The following VLDLR variants were observed in gnomAD, a reference collection of about 807,000 sequenced individuals.
The protein encoded by VLDLR is very low density lipoprotein receptor, also known as very low-density lipoprotein receptor.
Under a neutral mutation model 112.7 loss-of-function variants are expected in VLDLR, and 81 were observed. The ratio of observed to expected loss-of-function variants is 0.72; its 90% CI spans 0.60 to 0.86. The LOEUF (loss-of-function observed/expected upper bound fraction) is 0.86, where lower values mean the gene tolerates loss of function less well. Among genes scored for constraint, VLDLR ranks in the 40% least tolerant of loss-of-function variants. The probability of loss-of-function intolerance (pLI) is 0.00; values close to 1 mark genes in which losing one functional copy is unlikely to be tolerated. For synonymous variants in VLDLR, 436 were observed against 384.8 expected (o/e 1.13, Z -1.56); for missense variants, 1,237 against 1,099.4 (o/e 1.13, Z -1.77).
Position 2,659,782 on chromosome 9 carries a change from A to G in VLDLR, c.*5914A>G, listed in dbSNP as rs1279684074. ...GAACTACCAGACTTGGGTATTTCTC[A>G]GTTAACACACATGCAAGGAGGAAGA... On this transcript the variant is annotated 3_prime_UTR_variant, in exon 19 of 19. Coordinates refer to ENST00000382100, the MANE Select transcript of VLDLR (RefSeq NM_003383.5). The G allele has an allele frequency of 1.3e-5, 2 of 152,270 alleles. No homozygotes were observed. Among genetic ancestry groups the G allele is most frequent in the African/African-American group, 4.8e-5 (2 of 41,480 alleles). 9.4% of individuals were successfully genotyped at this position (152,270 alleles called of 1,614,324 possible).
At chr9:2,636,362 G>A (rs1817599901) in intron 2 of VLDLR, among the ~76,000 whole-genome samples, 1 of 152,190 alleles carries the variant, frequency 6.6e-6, no homozygotes, top group African/African-American at 2.4e-5. Flanking sequence ...TCTTTTAAAA[G>A]ATGTTATATA....
chr9:2,642,425 A>G (rs547341341), intron 4 of VLDLR, among the ~76,000 whole-genome samples: 2 of 152,278 alleles, frequency 1.3e-5, no homozygotes, highest in Admixed American at 1.3e-4. Context: ...CTGTATTGGT[A>G]AGCCCTGGTG....
At chr9:2,631,814 C>A (rs1379284855) in intron 1 of VLDLR, among the ~76,000 whole-genome samples, 9 of 152,104 alleles carry the variant, frequency 5.9e-5, no homozygotes, top group Admixed American at 5.9e-4. Context: ...AGATTCATTA[C>A]ATACATGTAA....
chr9:2,654,558 G>A lies in VLDLR; in HGVS notation c.*690G>A, dbSNP rs2130814834. On this transcript the variant is annotated 3_prime_UTR_variant, in exon 19 of 19. Transcript: ENST00000382100. ...AGTGTTCTAACTAAATGTGTGAGCTGTAGTTCTTGATGTTGTATAACTAAG... is the reference window on the plus strand; with the variant it reads ...AGTGTTCTAACTAAATGTGTGAGCTATAGTTCTTGATGTTGTATAACTAAG... 1 of 153,434 alleles carries A rather than the reference G, an allele frequency of 6.5e-6. No homozygotes were observed. The highest frequency in any genetic ancestry group is 2.1e-4 in the South Asian group (1 of 4,858). 9.5% of individuals were successfully genotyped at this position (153,434 alleles called of 1,614,324 possible).
intron 16 of VLDLR, 66 bp downstream of exon 16, chr9:2,651,564 T>C: frequency 7.2e-7 from 1 of 1,388,116 alleles, no homozygotes; most frequent in South Asian, 1.2e-5. Flanking sequence ...ATCTACAGCT[T>C]AAATAATTAA....
rs1369761493 is a variant in VLDLR at position 2,657,601 on chromosome 9, G to C, written c.*3733G>C. 1 of 152,208 alleles carries C rather than the reference G, an allele frequency of 6.6e-6. No homozygotes were observed. The highest frequency in any genetic ancestry group is 1.5e-5 in the Non-Finnish European group (1 of 68,036). The allele number at this position is 152,208 out of a possible 1,614,324, so 9.4% of individuals were successfully genotyped here. A position where few individuals can be genotyped will look rare whatever the true frequency, so the allele number is the denominator to read the frequency against. On this transcript the variant is annotated 3_prime_UTR_variant, in exon 19 of 19. Coordinates refer to ENST00000382100, the MANE Select transcript of VLDLR (RefSeq NM_003383.5). ...GGGTATTACATATTCTGCAAGCCCT[G>C]TTAGTGGGGAGATGGTAGTGGCAAT...
chr9:2,623,267 G>A (rs917181058), intron 1 of VLDLR, among the ~76,000 whole-genome samples: 1 of 152,210 alleles, frequency 6.6e-6, no homozygotes, highest in Non-Finnish European at 1.5e-5. Context: ...TTCCCACTTG[G>A]GGCCTCGTAA....
At chr9:2,625,223 C>T (rs1271833512) in intron 1 of VLDLR, among the ~76,000 whole-genome samples, 1 of 152,182 alleles carries the variant, frequency 6.6e-6, no homozygotes, top group African/African-American at 2.4e-5. Flanking sequence ...CCCTTCTGCT[C>T]CAGGAGAGGT....
chr9:2,649,143 C>T (rs1405162437), intron 14 of VLDLR, among the ~76,000 whole-genome samples: 2 of 152,260 alleles, frequency 1.3e-5, no homozygotes, highest in Admixed American at 6.5e-5. Flanking sequence ...GCTTTCTCTA[C>T]TGTTAGTTTG....
chr9:2,649,709 C>T (rs1818234883), intron 14 of VLDLR, among the ~76,000 whole-genome samples: 1 of 152,136 alleles, frequency 6.6e-6, no homozygotes, highest in Non-Finnish European at 1.5e-5. Flanking sequence ...TTAGAGCCCA[C>T]CTTAATGACC....
Position 2,621,789 on chromosome 9 carries a change from C to T in VLDLR, c.-401C>T, listed in dbSNP as rs944893527. ...CTCCGGCCCCCTCCCCGCTGCTCAC[C>T]CCGCTCTCCGGCCGCCGCCGGTGCG... On this transcript the variant is annotated 5_prime_UTR_variant, in exon 1 of 19. Transcript: ENST00000382100. 1.4e-5 allele frequency: 7 copies of T among 482,782 alleles called. No individual in the cohort carries two copies. Among genetic ancestry groups the T allele is most frequent in the African/African-American group, 8.2e-5 (4 of 48,834 alleles). 29.9% of individuals were successfully genotyped at this position (482,782 alleles called of 1,614,324 possible).
In VLDLR at chr9:2,657,181, CTT is replaced by C. The variant is rs1818641431; in HGVS notation, c.*3314_*3315del. ...CCAAACCTAAAGATTCTAGGGGTCA[CTT>C]ATCTCTATTACGTAATCTAACTGGA... is the stretch of plus-strand genomic sequence containing the variant. On this transcript the variant is annotated 3_prime_UTR_variant, in exon 19 of 19. Coordinates refer to ENST00000382100, the MANE Select transcript of VLDLR (RefSeq NM_003383.5). 1 of 152,102 alleles carries C rather than the reference CTT, an allele frequency of 6.6e-6. No individual in the cohort carries two copies. The highest frequency in any genetic ancestry group is 1.5e-5 in the Non-Finnish European group (1 of 68,016). The allele number at this position is 152,102 out of a possible 1,614,324, so 9.4% of individuals were successfully genotyped here.
At position 2,622,634 on chromosome 9, in the gene VLDLR, G is replaced by A. The variant is rs1164769975; in HGVS notation, c.82+363G>A. Among the ~76,000 whole-genome samples, 12 of 152,260 alleles carry A rather than the reference G, an allele frequency of 7.9e-5. No individual in the cohort carries two copies. In the South Asian group the frequency reaches 2.5e-3, roughly 31 times the overall value. ...GGTTCTGCCTCCTCTGCCAGGCGCA[G>A]TGTTGGGAAGGAGGCAGAGGGCCAA... On this transcript the variant is annotated intron_variant, in intron 1 of 18. Coordinates refer to ENST00000382100, the MANE Select transcript of VLDLR (RefSeq NM_003383.5).
intron 14 of VLDLR, among the ~76,000 whole-genome samples, chr9:2,649,346 A>C (rs1459242901): frequency 6.6e-6 from 1 of 152,000 alleles, no homozygotes; most frequent in Non-Finnish European, 1.5e-5. Context: ...GTCTCTTCAC[A>C]TCATCGTCCC....
chr9:2,645,097 A>G lies in VLDLR; in HGVS notation c.1312+15A>G. 1 of 1,614,052 alleles carries G rather than the reference A, an allele frequency of 6.2e-7. No homozygotes were observed. The highest frequency in any genetic ancestry group is 2.2e-5 in the East Asian group (1 of 44,882). On this transcript the variant is annotated intron_variant, in intron 9 of 18. Transcript: ENST00000382100. ...CAAGGCAGTAGGTAAATGAACTTGGACTGGTATGGCTGTTGTACCTTTATG... is the reference window on the plus strand; with the variant it reads ...CAAGGCAGTAGGTAAATGAACTTGGGCTGGTATGGCTGTTGTACCTTTATG...
At chr9:2,627,131 T>C (rs1817131269) in intron 1 of VLDLR, among the ~76,000 whole-genome samples, 1 of 152,156 alleles carries the variant, frequency 6.6e-6, no homozygotes, top group Admixed American at 6.5e-5. Context: ...CAAAGACCGC[T>C]TGGAATAGAA....
In VLDLR at chr9:2,622,048, C is replaced by A. The variant is rs1231859554; in HGVS notation, c.-142C>A. On this transcript the variant is annotated 5_prime_UTR_variant, in exon 1 of 19. Coordinates refer to ENST00000382100, the MANE Select transcript of VLDLR (RefSeq NM_003383.5). ...GTGCCCTCTTCTTCCCCGCTCCCTT[C>A]CCCCGCCAACTCCTTCCCCTCCTTC... is the stretch of plus-strand genomic sequence containing the variant. 5 of 813,454 alleles carry A rather than the reference C, an allele frequency of 6.1e-6. No homozygotes were observed. Among genetic ancestry groups the A allele is most frequent in the Non-Finnish European group, 9.3e-6 (5 of 538,748 alleles). The allele number at this position is 813,454 out of a possible 1,614,324, so 50.4% of individuals were successfully genotyped here. A position where few individuals can be genotyped will look rare whatever the true frequency, so the allele number is the denominator to read the frequency against.
chr9:2,650,157 C>G (rs1818257640), intron 14 of VLDLR, among the ~76,000 whole-genome samples: 1 of 152,152 alleles, frequency 6.6e-6, no homozygotes, highest in African/African-American at 2.4e-5. Context: ...TACAGTCTAT[C>G]TCGAAGAGGT....
chr9:2,630,787 G>C (rs1183765518), intron 1 of VLDLR, among the ~76,000 whole-genome samples: 1 of 152,108 alleles, frequency 6.6e-6, no homozygotes, highest in African/African-American at 2.4e-5. Flanking sequence ...TTATGAAAGA[G>C]ACCTCAAAAG....
Sources: allele counts gnomAD v4.1 joint callset (sites outside exome capture counted in the v4.1 genomes callset), GRCh38; gene constraint gnomAD v4.1.1; transcripts MANE v1.5; gene names NCBI Gene and HGNC (gene_info 2026-07-23, HGNC 2026-07-21).